Variants in MACROD2 observed in about 807,000 individuals in gnomAD.
MACROD2 encodes mono-ADP ribosylhydrolase 2, also known as ADP-ribose glycohydrolase MACROD2.
In MACROD2, 36 loss-of-function variants were observed where a neutral mutation model predicts 70.4. That is an observed-to-expected ratio of 0.51 (90% CI 0.39 to 0.68). The LOEUF is 0.68. MACROD2 is among the 30% of genes least tolerant of loss of function. The pLI is 0.00. For synonymous variants in MACROD2, 172 were observed against 178.8 expected, an observed-to-expected ratio of 0.96 and a Z score of 0.30; for missense variants, 496 against 538.4, an observed-to-expected ratio of 0.92 and a Z score of 0.78.
chr20:14,057,353 C>T (rs905900231), intron 2 of MACROD2, among the ~76,000 whole-genome samples: 1 of 152,130 alleles, frequency 6.6e-6, no homozygotes, highest in African/African-American at 2.4e-5. Flanking sequence ...ACAGCAGATA[C>T]TTGTAATATA....
chr20:14,165,865 G>T (rs2055260432), intron 3 of MACROD2, among the ~76,000 whole-genome samples: 1 of 152,066 alleles, frequency 6.6e-6, no homozygotes, highest in Non-Finnish European at 1.5e-5. Flanking sequence ...GCCTTTTCAG[G>T]AACCTATCTC....
Position 14,426,759 on chromosome 20 carries a change from C to A in MACROD2, c.272-66720C>A, listed in dbSNP as rs370280099. On this transcript the variant is annotated intron_variant, in intron 3 of 17. Coordinates refer to ENST00000684519, the MANE Select transcript of MACROD2 (RefSeq NM_001351661.2). ...GAGGGAGTACCTAGCATCTTCAGAG[C>A]CCCCATTAGGGAGGAAAAATGGGGA... is the stretch of plus-strand genomic sequence containing the variant. Among the ~76,000 whole-genome samples the A allele has an allele frequency of 5.2e-4, 79 of 152,202 alleles. 2 individuals are homozygous for A. The South Asian group carries it at 0.016, about 30-fold the overall frequency.
At chr20:15,983,039 C>A (rs2066424620) in intron 13 of MACROD2, among the ~76,000 whole-genome samples, 1 of 152,200 alleles carries the variant, frequency 6.6e-6, no homozygotes, top group Non-Finnish European at 1.5e-5. Flanking sequence ...TTTGTCAGGT[C>A]AGGTAGCCTC....
chr20:15,399,549 A>G (rs1424162036), intron 6 of MACROD2, among the ~76,000 whole-genome samples: 1 of 152,236 alleles, frequency 6.6e-6, no homozygotes. Flanking sequence ...TAGAACATAT[A>G]TAATTTCAGA....
chr20:14,096,428 A>G (rs892090146), intron 3 of MACROD2, among the ~76,000 whole-genome samples: 1 of 140,670 alleles, frequency 7.1e-6, no homozygotes, highest in African/African-American at 2.7e-5. Flanking sequence ...GTGCAGTGGC[A>G]CAATCTCCGC....
chr20:15,534,869 A>C (rs536497042), intron 8 of MACROD2, among the ~76,000 whole-genome samples: 1 of 152,140 alleles, frequency 6.6e-6, no homozygotes, highest in South Asian at 2.1e-4. Context: ...ATTCTTGCCA[A>C]CTCTAACTGA....
intron 4 of MACROD2, among the ~76,000 whole-genome samples, chr20:14,501,090 GGA>G (rs2084910324): frequency 6.6e-6 from 1 of 150,920 alleles, no homozygotes; most frequent in Admixed American, 6.6e-5. Flanking sequence ...GGCAACCTGA[GGA>G]TTATATTCAT....
At chr20:14,593,922 C>G (rs1010701407) in intron 4 of MACROD2, among the ~76,000 whole-genome samples, 1 of 152,066 alleles carries the variant, frequency 6.6e-6, no homozygotes, top group Non-Finnish European at 1.5e-5. Context: ...TTTTTCAGTT[C>G]AATATTTGTC....
At chr20:15,797,502 A>C (rs1376196400) in intron 8 of MACROD2, among the ~76,000 whole-genome samples, 1 of 150,994 alleles carries the variant, frequency 6.6e-6, no homozygotes, top group African/African-American at 2.5e-5. Context: ...AGCCAAAAAG[A>C]GCTCAAGGCT....
At chr20:15,713,987 G>GCACACACTCACACA in intron 8 of MACROD2, among the ~76,000 whole-genome samples, 1 of 117,788 alleles carries the variant, frequency 8.5e-6, no homozygotes, top group East Asian at 2.5e-4. Flanking sequence ...ACACACATAT[G>GCACACACTCACACA]CACACACACA....
At chr20:15,236,420 C>A (rs898582885) in intron 6 of MACROD2, among the ~76,000 whole-genome samples, 4 of 152,102 alleles carry the variant, frequency 2.6e-5, no homozygotes. Flanking sequence ...GGTGGCCACA[C>A]CAGAGAGATG....
intron 3 of MACROD2, among the ~76,000 whole-genome samples, chr20:14,459,788 C>T (rs551834342): frequency 6.6e-6 from 1 of 152,178 alleles, no homozygotes; most frequent in South Asian, 2.1e-4. Flanking sequence ...AGGTTTGTTA[C>T]ATAGGTATCC....
chr20:14,215,458 C>CT (rs1225616057), intron 3 of MACROD2, among the ~76,000 whole-genome samples: 1 of 151,572 alleles, frequency 6.6e-6, no homozygotes, highest in African/African-American at 2.4e-5. Flanking sequence ...AATTGTGCTG[C>CT]TATAAACATA....
intron 3 of MACROD2, among the ~76,000 whole-genome samples, chr20:14,310,864 AT>A (rs1011676554): frequency 8.6e-5 from 13 of 151,668 alleles, no homozygotes; most frequent in Admixed American, 1.3e-4. Context: ...AAATGAGTTA[AT>A]TTTTTTTTAA....
At chr20:14,654,107 A>T in intron 4 of MACROD2, among the ~76,000 whole-genome samples, 2 of 150,642 alleles carry the variant, frequency 1.3e-5, no homozygotes, top group Non-Finnish European at 3.0e-5. Flanking sequence ...GGCACATAAT[A>T]TATTATAATA....
At chr20:15,019,186 G>C (rs1302016744) in intron 5 of MACROD2, among the ~76,000 whole-genome samples, 1 of 152,020 alleles carries the variant, frequency 6.6e-6, no homozygotes, top group African/African-American at 2.4e-5. Context: ...CGCGGAGAGA[G>C]TTTTCTTGGA....
At chr20:14,663,261 C>T (rs1729739276) in intron 4 of MACROD2, among the ~76,000 whole-genome samples, 1 of 151,618 alleles carries the variant, frequency 6.6e-6, no homozygotes, top group South Asian at 2.1e-4. Context: ...GTTCTGACTT[C>T]TAAGTGGGAG....
At chr20:14,417,031 CTATATATCTATCTAT>C (rs1336480960) in intron 3 of MACROD2, among the ~76,000 whole-genome samples, 7 of 149,972 alleles carry the variant, frequency 4.7e-5, no homozygotes, top group Admixed American at 4.1e-4. Flanking sequence ...CGCTATCTAT[CTATATATCTATCTAT>C]TATCTATCTA....
At chr20:14,499,237 C>A (rs753638418) in intron 4 of MACROD2, among the ~76,000 whole-genome samples, 4 of 152,132 alleles carry the variant, frequency 2.6e-5, no homozygotes, top group Non-Finnish European at 4.4e-5. Context: ...GGGTTTAAAT[C>A]TTAACTGCCT....
Sources: gnomAD v4.1 joint callset for allele counts (sites outside exome capture counted in the v4.1 genomes callset) on GRCh38, gnomAD v4.1.1 for gene constraint, MANE v1.5 for transcripts, NCBI Gene and HGNC (gene_info 2026-07-23, HGNC 2026-07-21) for gene names.